TIAM2: variants seen among roughly 807,000 people sequenced by gnomAD.
The protein encoded by TIAM2 is rho guanine nucleotide exchange factor TIAM2.
A neutral mutation model predicts 152.9 loss-of-function variants in TIAM2; 80 were observed. The observed-to-expected ratio is 0.52, with a 90% CI of 0.44 to 0.63. The LOEUF is 0.63. Among genes scored for constraint, TIAM2 ranks in the 30% least tolerant of loss-of-function variants. The probability of loss-of-function intolerance (pLI) is 0.00; values close to 1 mark genes in which losing one functional copy is unlikely to be tolerated. For synonymous variants in TIAM2, 804 were observed against 838.0 expected (o/e 0.96, Z 0.70); for missense variants, 1,965 against 2,120.1 (o/e 0.93, Z 1.44).
chr6:155,026,267 T>A (rs1776599991), intron 1 of TIAM2, among the ~76,000 whole-genome samples: 1 of 152,208 alleles, frequency 6.6e-6, no homozygotes, highest in Admixed American at 6.6e-5. Flanking sequence ...TAGGGATCTG[T>A]TCAGAATTTC....
intron 7 of TIAM2, among the ~76,000 whole-genome samples, chr6:155,150,217 A>C (rs75736766): frequency 2.1e-3 from 317 of 152,308 alleles, no homozygotes; most frequent in African/African-American, 7.1e-3. Flanking sequence ...TGGCTTAAAG[A>C]AATAAAAATA....
intron 15 of TIAM2, among the ~76,000 whole-genome samples, chr6:155,237,452 C>T (rs1474893037): frequency 1.3e-5 from 2 of 152,224 alleles, no homozygotes; most frequent in African/African-American, 4.8e-5. Flanking sequence ...GCCCTCTTCT[C>T]ACAACTCCAC....
chr6:154,999,496 C>T (rs923146114), intron 1 of TIAM2, among the ~76,000 whole-genome samples: 1 of 152,072 alleles, frequency 6.6e-6, no homozygotes. Context: ...CGTGAGCCAC[C>T]GCTCCTGGCC....
chr6:155,061,173 A>G (rs1181203840), intron 1 of TIAM2, among the ~76,000 whole-genome samples: 1 of 152,172 alleles, frequency 6.6e-6, no homozygotes, highest in Non-Finnish European at 1.5e-5. Context: ...TTGTATGCAT[A>G]CTAATCCATG....
chr6:155,082,274 G>C lies in TIAM2; in HGVS notation c.-208-8015G>C, dbSNP rs538372574. Among the ~76,000 whole-genome samples, 3 of 152,212 alleles carry C rather than the reference G, an allele frequency of 2.0e-5. No individual in the cohort carries two copies. In the South Asian group the frequency reaches 6.2e-4, roughly 32 times the overall value. On this transcript the variant is annotated intron_variant, in intron 1 of 26. Coordinates refer to ENST00000682666, the MANE Select transcript of TIAM2 (RefSeq NM_012454.4). ...GGGAGGATTGCTTAAGTCTGGGAGG[G>C]AGACGCTGCAGCAAGCCATGATCAT...
chr6:155,149,124 G>C (rs947863972), intron 7 of TIAM2: 1 of 167,216 alleles, frequency 6.0e-6, no homozygotes, highest in Non-Finnish European at 1.5e-5. Flanking sequence ...GTCCCACAGC[G>C]AGCTGTGGAG....
chr6:155,054,692 C>T (rs1229143373), intron 1 of TIAM2, among the ~76,000 whole-genome samples: 3 of 152,192 alleles, frequency 2.0e-5, no homozygotes, highest in African/African-American at 7.2e-5. Context: ...AGTGATTCTC[C>T]TGCCTCAGCC....
chr6:155,155,038 G>A (rs1370500299), intron 7 of TIAM2, among the ~76,000 whole-genome samples: 2 of 152,234 alleles, frequency 1.3e-5, no homozygotes, highest in African/African-American at 4.8e-5. Flanking sequence ...ATTTGTGAGG[G>A]GATTTGAGGG....
At chr6:155,094,724 GT>G (rs200208029) in intron 2 of TIAM2, among the ~76,000 whole-genome samples, 13 of 136,170 alleles carry the variant, frequency 9.5e-5, no homozygotes, top group Non-Finnish European at 1.3e-4. Context: ...TATATCTATG[GT>G]TTTTTTTTTT....
At chr6:155,166,117 G>C (rs966448869) in intron 9 of TIAM2, among the ~76,000 whole-genome samples, 1 of 151,928 alleles carries the variant, frequency 6.6e-6, no homozygotes, top group African/African-American at 2.4e-5. Context: ...TGGCCTTGGG[G>C]TTTTGTCATC....
chr6:155,132,878 A>G (rs1398218959), intron 4 of TIAM2, among the ~76,000 whole-genome samples: 1 of 152,104 alleles, frequency 6.6e-6, no homozygotes, highest in Non-Finnish European at 1.5e-5. Context: ...GACAGTTCCC[A>G]CTTGGTTCAG....
At position 155,256,514 on chromosome 6, in the gene TIAM2, A is replaced by G; in HGVS notation, c.4499A>G (p.Asn1500Ser). 1 of 1,614,230 alleles carries G rather than the reference A, an allele frequency of 6.2e-7. No individual in the cohort carries two copies. The change falls in exon 27 of 27, where the codon AAT becomes AGT. Residue 1500 changes from asparagine to serine, a missense_variant. By Grantham distance (46) the Asn-to-Ser change is conservative. Transcript: ENST00000682666. ...ASSRSLKVLK[N>S]SSSNEWTGET... is the part of the protein sequence containing the mutation. The stretch of plus-strand genomic sequence containing the variant: ...TCCAGGTCTTTAAAAGTCCTGAAGA[A>G]TTCCTCCAGCAACGAGTGGACCGGT...
chr6:155,172,642 AT>A (rs1328278753), intron 9 of TIAM2, among the ~76,000 whole-genome samples: 15 of 16,378 alleles, frequency 9.2e-4, no homozygotes, highest in Admixed American at 4.1e-3. Context: ...CTAGTTGGAA[AT>A]ATATATATAT....
chr6:155,098,937 C>G (rs1424451462), intron 2 of TIAM2, among the ~76,000 whole-genome samples: 4 of 152,144 alleles, frequency 2.6e-5, no homozygotes, highest in Admixed American at 2.0e-4. Context: ...CCTGTAATCC[C>G]AGCACTTTGG....
chr6:155,236,387 G>A (rs1782760666), intron 15 of TIAM2, among the ~76,000 whole-genome samples: 1 of 152,100 alleles, frequency 6.6e-6, no homozygotes, highest in Non-Finnish European at 1.5e-5. Flanking sequence ...TGACAGCCAG[G>A]CATGGTGGCT....
At chr6:155,209,502 T>A (rs1037951690) in intron 14 of TIAM2, among the ~76,000 whole-genome samples, 1 of 152,162 alleles carries the variant, frequency 6.6e-6, no homozygotes, top group African/African-American at 2.4e-5. Flanking sequence ...AGCTTGTTGG[T>A]GAGGGGACTG....
intron 2 of TIAM2, among the ~76,000 whole-genome samples, chr6:155,095,995 GC>G (rs1562314488): frequency 6.6e-6 from 1 of 151,910 alleles, no homozygotes; most frequent in Non-Finnish European, 1.5e-5. Flanking sequence ...TTTTACCTTA[GC>G]CAAAACTCAT....
chr6:155,088,614 C>G (rs751909573), intron 1 of TIAM2, among the ~76,000 whole-genome samples: 9 of 152,058 alleles, frequency 5.9e-5, no homozygotes, highest in Admixed American at 2.0e-4. Flanking sequence ...CTCAGACAAT[C>G]TAAATAACTG....
intron 1 of TIAM2, among the ~76,000 whole-genome samples, chr6:155,041,194 A>G (rs959363169): frequency 6.6e-6 from 1 of 152,198 alleles, no homozygotes; most frequent in African/African-American, 2.4e-5. Flanking sequence ...AAGCTCCATT[A>G]CCATTCAAGT....
Sources: gnomAD v4.1 joint callset for allele counts (sites outside exome capture counted in the v4.1 genomes callset) on GRCh38, gnomAD v4.1.1 for gene constraint, MANE v1.5 for transcripts, NCBI Gene and HGNC (gene_info 2026-07-23, HGNC 2026-07-21) for gene names.